The following MALT1 variants were observed in gnomAD, a reference collection of about 807,000 sequenced individuals.
The protein encoded by MALT1 is mucosa-associated lymphoid tissue lymphoma translocation protein 1.
MALT1 carries 36 observed loss-of-function variants against 85.5 expected under a neutral mutation model. The observed-to-expected ratio is 0.42, with a 90% CI of 0.32 to 0.56. The LOEUF (loss-of-function observed/expected upper bound fraction) is 0.56. Ranked by LOEUF, MALT1 falls within the 20% of genes least tolerant of loss-of-function variation. The pLI, the probability that MALT1 is intolerant of heterozygous loss-of-function variation, is 0.10. For synonymous variants in MALT1, 359 were observed against 361.3 expected, an observed-to-expected ratio of 0.99 and a Z score of 0.07; for missense variants, 716 against 981.6, an observed-to-expected ratio of 0.73 and a Z score of 3.62.
At chr18:58,674,032 G>A (rs1337893317) in intron 1 of MALT1, 1 of 152,068 alleles carries the variant, frequency 6.6e-6, no homozygotes, top group East Asian at 1.9e-4. Flanking sequence ...GTCTTTGGGG[G>A]CAGATCTCCA....
chr18:58,738,973 G>GT (rs1022505839), intron 13 of MALT1, among the ~76,000 whole-genome samples: 25 of 152,032 alleles, frequency 1.6e-4, no homozygotes, highest in African/African-American at 5.3e-4. Flanking sequence ...AATATTGTAA[G>GT]TTTTTTTATT....
chr18:58,706,370 T>TG (rs1294379981), intron 4 of MALT1, among the ~76,000 whole-genome samples: 5 of 152,190 alleles, frequency 3.3e-5, no homozygotes, highest in African/African-American at 4.8e-5. Flanking sequence ...TTGGCCAGGC[T>TG]GGTCTTGAAC....
chr18:58,730,341 C>A (rs1345714429), intron 10 of MALT1, among the ~76,000 whole-genome samples: 4 of 152,174 alleles, frequency 2.6e-5, no homozygotes, highest in African/African-American at 9.7e-5. Flanking sequence ...CTGGCAACCA[C>A]CAATCTATTT....
chr18:58,701,179 CAT>C (rs2054667006), intron 4 of MALT1, among the ~76,000 whole-genome samples: 1 of 152,138 alleles, frequency 6.6e-6, no homozygotes, highest in South Asian at 2.1e-4. Context: ...TTTAGGATGA[CAT>C]AGACAGGCCT....
In MALT1 at chr18:58,751,438, G is replaced by T. The variant is rs1271370565; in HGVS notation, c.*3596G>T. On this transcript the variant is annotated 3_prime_UTR_variant, in exon 17 of 17. Coordinates refer to ENST00000649217, the MANE Select transcript of MALT1 (RefSeq NM_006785.4). ...ACAGAGTCCTGGCTCTGTCGCCCAG[G>T]CTGGAGTGCAGCGACATAGTCTCAG... The T allele has an allele frequency of 6.6e-6, 1 of 151,992 alleles. No individual in the cohort carries two copies. The highest frequency in any genetic ancestry group is 2.4e-5 in the African/African-American group (1 of 41,368). The allele number at this position is 151,992 out of a possible 1,614,324, so 9.4% of individuals were successfully genotyped here.
chr18:58,697,974 A>G (rs971699553), intron 3 of MALT1, among the ~76,000 whole-genome samples: 8 of 152,188 alleles, frequency 5.3e-5, no homozygotes, highest in Non-Finnish European at 7.4e-5. Flanking sequence ...CAGGGTGGCA[A>G]CATAATATGA....
chr18:58,705,960 A>G (rs998923867), intron 4 of MALT1, among the ~76,000 whole-genome samples: 7 of 151,956 alleles, frequency 4.6e-5, no homozygotes, highest in Admixed American at 2.6e-4. Flanking sequence ...AAGTGTTCCT[A>G]TTTCTCCACA....
intron 9 of MALT1, among the ~76,000 whole-genome samples, chr18:58,721,956 T>C (rs1292035811): frequency 6.6e-6 from 1 of 152,158 alleles, no homozygotes; most frequent in African/African-American, 2.4e-5. Flanking sequence ...CTGCAGGTGC[T>C]CTTGTCACCC....
Position 58,750,557 on chromosome 18 carries a change from T to C in MALT1, c.*2715T>C, listed in dbSNP as rs2055433509. ...GACATATCGATCAGAGGAATGGAACTGAACATCCAGAAATAAACCCATACA... is the reference window on the plus strand; with the variant it reads ...GACATATCGATCAGAGGAATGGAACCGAACATCCAGAAATAAACCCATACA... On this transcript the variant is annotated 3_prime_UTR_variant, in exon 17 of 17. Coordinates refer to ENST00000649217, the MANE Select transcript of MALT1 (RefSeq NM_006785.4). The C allele has an allele frequency of 6.6e-6, 1 of 152,204 alleles. No homozygotes were observed. The allele number at this position is 152,204 out of a possible 1,614,324, so 9.4% of individuals were successfully genotyped here.
intron 15 of MALT1, 97 bp from the exon 16 acceptor site, chr18:58,745,569 C>G (rs779110639): frequency 9.3e-7 from 1 of 1,075,504 alleles, no homozygotes; most frequent in African/African-American, 1.6e-5. Context: ...CCAGAATTCA[C>G]GAGAGGATAG....
chr18:58,714,038 T>C (rs776865479), intron 7 of MALT1, 45 bp from the exon 8 acceptor site: 1 of 913,586 alleles, frequency 1.1e-6, no homozygotes, highest in Admixed American at 2.1e-5. Flanking sequence ...TTGTGCTAAA[T>C]TGGTGTTTAG....
chr18:58,735,053 C>T, intron 12 of MALT1, 149 bp from the exon 13 acceptor site: 2 of 497,590 alleles, frequency 4.0e-6, no homozygotes, highest in East Asian at 6.6e-5. Flanking sequence ...TAACAGTCCC[C>T]ACGCTGTCCC....
chr18:58,673,967 TTATGC>T (rs2054204074), intron 1 of MALT1: 1 of 152,164 alleles, frequency 6.6e-6, no homozygotes, highest in Non-Finnish European at 1.5e-5. Context: ...CAAAATATTG[TTATGC>T]TAGGTACATA....
In MALT1 at chr18:58,751,896, A is replaced by G. The variant is rs575504829; in HGVS notation, c.*4054A>G. On this transcript the variant is annotated 3_prime_UTR_variant, in exon 17 of 17. Coordinates refer to ENST00000649217, the MANE Select transcript of MALT1 (RefSeq NM_006785.4). ...TGGGACAATTTGAATTTAAAACACT[A>G]TTGTTCCTCATTCAGTGATGAACAA... 3 of 152,344 alleles carry G rather than the reference A, an allele frequency of 2.0e-5. No homozygotes were observed. Among genetic ancestry groups the G allele is most frequent in the East Asian group, 1.9e-4 (1 of 5,190 alleles). The allele number at this position is 152,344 out of a possible 1,614,324, so 9.4% of individuals were successfully genotyped here.
At position 58,671,577 on chromosome 18, in the gene MALT1, C is replaced by A; in HGVS notation, c.-67C>A. The A allele has an allele frequency of 1.9e-6, 2 of 1,077,206 alleles. No homozygotes were observed. Among genetic ancestry groups the A allele is most frequent in the Non-Finnish European group, 2.3e-6 (2 of 853,848 alleles). The allele number at this position is 1,077,206 out of a possible 1,614,324, so 66.7% of individuals were successfully genotyped here. On this transcript the variant is annotated 5_prime_UTR_variant, in exon 1 of 17. Coordinates refer to ENST00000649217, the MANE Select transcript of MALT1 (RefSeq NM_006785.4). Reference sequence around the variant, plus strand: ...GCGGCTCGGAGGCGAGCGGAAGGTGCCCCGGGGCCGAGGCCCGTGACGGGG... The same window carrying A: ...GCGGCTCGGAGGCGAGCGGAAGGTGACCCGGGGCCGAGGCCCGTGACGGGG...
At chr18:58,681,396 T>G in intron 2 of MALT1, 60 bp downstream of exon 2, 5 of 1,492,594 alleles carry the variant, frequency 3.3e-6, no homozygotes, top group Non-Finnish European at 4.5e-6. Context: ...TAGAAGAAAT[T>G]ATCTCTTTTG....
intron 2 of MALT1, chr18:58,690,905 G>A (rs947451962): frequency 2.5e-5 from 6 of 238,120 alleles, no homozygotes; most frequent in Non-Finnish European, 5.1e-5. Context: ...GCACTGTACT[G>A]AGTACGGCCC....
intron 4 of MALT1, among the ~76,000 whole-genome samples, chr18:58,702,209 CA>C (rs926871299): frequency 2.7e-4 from 11 of 40,772 alleles, no homozygotes; most frequent in Non-Finnish European, 6.8e-4. Context: ...CCTATCTCTA[CA>C]AAAAAAATGC....
At chr18:58,722,419 A>C (rs1419651549) in intron 9 of MALT1, among the ~76,000 whole-genome samples, 2 of 152,226 alleles carry the variant, frequency 1.3e-5, no homozygotes, top group Admixed American at 1.3e-4. Context: ...ACTCATACAC[A>C]AAATCTTCAC....
Sources: allele counts gnomAD v4.1 joint callset (sites outside exome capture counted in the v4.1 genomes callset), GRCh38; gene constraint gnomAD v4.1.1; transcripts MANE v1.5; gene names NCBI Gene and HGNC (gene_info 2026-07-23, HGNC 2026-07-21).